The following RIMS1 variants were observed in gnomAD, a reference collection of about 807,000 sequenced individuals.
RIMS1 encodes regulating synaptic membrane exocytosis 1.
In RIMS1, 83 loss-of-function variants were observed where a neutral mutation model predicts 214.1. The ratio of observed to expected loss-of-function variants is 0.39; its 90% CI spans 0.32 to 0.47. The LOEUF (loss-of-function observed/expected upper bound fraction) is 0.47, where lower values mean the gene tolerates loss of function less well. Ranked by LOEUF, RIMS1 falls within the 20% of genes least tolerant of loss-of-function variation. The pLI, the probability that RIMS1 is intolerant of heterozygous loss-of-function variation, is 0.99. For missense variants in RIMS1, 2,050 were observed against 2,161.8 expected (o/e 0.95, Z 1.03); for synonymous variants, 793 against 786.8 (o/e 1.01, Z -0.13).
intron 2 of RIMS1, among the ~76,000 whole-genome samples, chr6:71,992,516 C>T (rs185675921): frequency 6.7e-6 from 1 of 148,962 alleles, no homozygotes; most frequent in East Asian, 2.0e-4. Context: ...TCCTCCTCCT[C>T]CTCTTCCTCC....
intron 4 of RIMS1, among the ~76,000 whole-genome samples, chr6:72,127,617 A>G (rs1195067325): frequency 1.3e-5 from 2 of 152,120 alleles, no homozygotes; most frequent in African/African-American, 2.4e-5. Context: ...GCTAGTACAG[A>G]CACTCTCCAG....
At chr6:72,278,195 C>G (rs201938047) in intron 23 of RIMS1, among the ~76,000 whole-genome samples, 2 of 149,522 alleles carry the variant, frequency 1.3e-5, no homozygotes, top group Non-Finnish European at 3.0e-5. Context: ...ATCTATCTAT[C>G]TATATATGAT....
chr6:71,994,152 A>C (rs2151644595), intron 2 of RIMS1, among the ~76,000 whole-genome samples: 1 of 152,168 alleles, frequency 6.6e-6, no homozygotes, highest in African/African-American at 2.4e-5. Context: ...ACTTTTGTTT[A>C]TTTTTATCTC....
At chr6:72,247,374 A>G (rs768236951) in intron 11 of RIMS1, among the ~76,000 whole-genome samples, 4 of 152,056 alleles carry the variant, frequency 2.6e-5, no homozygotes, top group Non-Finnish European at 5.9e-5. Flanking sequence ...CGTCTCTACT[A>G]AAAATACAAA....
chr6:72,144,067 C>T (rs1427490755), intron 4 of RIMS1, among the ~76,000 whole-genome samples: 1 of 152,138 alleles, frequency 6.6e-6, no homozygotes, highest in Non-Finnish European at 1.5e-5. Flanking sequence ...TCCACTATAG[C>T]AGCGAACGCA....
At chr6:72,187,992 A>C (rs1056793942) in intron 6 of RIMS1, among the ~76,000 whole-genome samples, 1 of 152,212 alleles carries the variant, frequency 6.6e-6, no homozygotes, top group Non-Finnish European at 1.5e-5. Flanking sequence ...ACTTGCAGTC[A>C]GGTGTTGGAG....
intron 27 of RIMS1, among the ~76,000 whole-genome samples, chr6:72,313,042 A>G (rs966998455): frequency 1.3e-5 from 2 of 152,168 alleles, no homozygotes; most frequent in Non-Finnish European, 2.9e-5. Context: ...TCTTTTACAC[A>G]TCATGTCAGT....
chr6:72,017,985 A>T (rs1380753742), intron 2 of RIMS1, among the ~76,000 whole-genome samples: 1 of 152,208 alleles, frequency 6.6e-6, no homozygotes, highest in South Asian at 2.1e-4. Flanking sequence ...TTATTAGCCA[A>T]TGGAGGCACT....
At chr6:72,267,518 CAT>C (rs1203091961) in intron 22 of RIMS1, among the ~76,000 whole-genome samples, 16 of 152,196 alleles carry the variant, frequency 1.1e-4, no homozygotes, top group African/African-American at 3.1e-4. Flanking sequence ...ATAATTTTCA[CAT>C]GTCATTATTA....
chr6:72,395,562 T>C (rs1000465146), intron 31 of RIMS1, among the ~76,000 whole-genome samples: 4 of 151,958 alleles, frequency 2.6e-5, no homozygotes, highest in Admixed American at 1.3e-4. Flanking sequence ...TAATGGTTAA[T>C]TGGAGGACAG....
chr6:72,078,703 G>T (rs570324813), intron 2 of RIMS1, among the ~76,000 whole-genome samples: 4 of 151,886 alleles, frequency 2.6e-5, no homozygotes, highest in Non-Finnish European at 4.4e-5. Flanking sequence ...CAAAAACAAT[G>T]CTCCTTTATT....
intron 4 of RIMS1, among the ~76,000 whole-genome samples, chr6:72,138,073 T>C (rs1028375704): frequency 6.6e-6 from 1 of 151,898 alleles, no homozygotes; most frequent in Non-Finnish European, 1.5e-5. Flanking sequence ...CGTATGTGAG[T>C]CTGTGTGTGT....
chr6:72,321,347 G>A (rs2096149041), intron 28 of RIMS1, among the ~76,000 whole-genome samples: 1 of 151,808 alleles, frequency 6.6e-6, no homozygotes, highest in African/African-American at 2.4e-5. Flanking sequence ...CTCATGTTTT[G>A]GTATTCACTG....
At chr6:72,075,654 C>T (rs1831637089) in intron 2 of RIMS1, among the ~76,000 whole-genome samples, 1 of 152,110 alleles carries the variant, frequency 6.6e-6, no homozygotes, top group African/African-American at 2.4e-5. Flanking sequence ...AAGATGAAAA[C>T]AGAATGCTCA....
intron 2 of RIMS1, among the ~76,000 whole-genome samples, chr6:72,053,283 C>CTCCTTCAA (rs1260677795): frequency 6.6e-6 from 1 of 152,144 alleles, no homozygotes; most frequent in East Asian, 1.9e-4. Context: ...ACACCATAGT[C>CTCCTTCAA]TCCTTCAATC....
At chr6:72,114,343 TATAA>T (rs1436485840) in intron 4 of RIMS1, among the ~76,000 whole-genome samples, 1 of 152,054 alleles carries the variant, frequency 6.6e-6, no homozygotes, top group Non-Finnish European at 1.5e-5. Flanking sequence ...TTTATAGGTA[TATAA>T]GAAAAGTGAG....
At chr6:72,177,733 A>G (rs1588601612) in intron 4 of RIMS1, among the ~76,000 whole-genome samples, 1 of 152,208 alleles carries the variant, frequency 6.6e-6, no homozygotes, top group South Asian at 2.1e-4. Flanking sequence ...CAAACCAACC[A>G]ACCAAAACCT....
intron 2 of RIMS1, among the ~76,000 whole-genome samples, chr6:71,992,709 G>T (rs1275584781): frequency 1.3e-5 from 2 of 151,560 alleles, no homozygotes; most frequent in Non-Finnish European, 2.9e-5. Flanking sequence ...AGGGAGTGCA[G>T]TAGCGTGATC....
chr6:72,341,946 G>A (rs2097107774), intron 29 of RIMS1, among the ~76,000 whole-genome samples: 1 of 151,746 alleles, frequency 6.6e-6, no homozygotes, highest in East Asian at 1.9e-4. Context: ...AAATATTGCA[G>A]GACTCTTTCA....
Sources: gnomAD v4.1 joint callset for allele counts (sites outside exome capture counted in the v4.1 genomes callset) on GRCh38, gnomAD v4.1.1 for gene constraint, MANE v1.5 for transcripts, NCBI Gene and HGNC (gene_info 2026-07-23, HGNC 2026-07-21) for gene names.